TMPRSS9: variants seen among roughly 807,000 people sequenced by gnomAD.
The protein encoded by TMPRSS9 is transmembrane protease serine 9.
A neutral mutation model predicts 111.4 loss-of-function variants in TMPRSS9; 113 were observed. That is an observed-to-expected ratio of 1.01 (90% confidence interval 0.87 to 1.19). The LOEUF (loss-of-function observed/expected upper bound fraction) is 1.19, where lower values mean the gene tolerates loss of function less well. TMPRSS9 is among the 50% of genes most tolerant of loss of function. TMPRSS9 has a pLI of 0.00. For missense variants in TMPRSS9, 1,803 were observed against 1,513.1 expected (o/e 1.19, Z -3.18); for synonymous variants, 805 against 659.1 (o/e 1.22, Z -3.39).
exon 12 of TMPRSS9, chr19:2,416,601 C>G (rs752764236): frequency 6.2e-7 from 1 of 1,612,446 alleles, no homozygotes; most frequent in Non-Finnish European, 8.5e-7. Flanking sequence ...TGGGCGGGAG[C>G]CCGGTGAAGA....
chr19:2,363,508 T>TG (rs1269359793), intron 1 of TMPRSS9, among the ~76,000 whole-genome samples: 6 of 67,900 alleles, frequency 8.8e-5, no homozygotes, highest in South Asian at 5.3e-4. Flanking sequence ...GGAGCAGTTG[T>TG]GGGGGGGTGG....
At chr19:2,378,107 T>C (rs112620940) in intron 1 of TMPRSS9, among the ~76,000 whole-genome samples, 4,301 of 152,202 alleles carry the variant, frequency 0.028, 86 homozygotes, top group Non-Finnish European at 0.043. Flanking sequence ...CTCAAACTCC[T>C]GGCCTCAAGC....
rs1189723984 is a variant in TMPRSS9, at chr19:2,398,685, C to G, written c.271-110C>G. 5.3e-6 allele frequency: 3 copies of G among 568,118 alleles called. No individual in the cohort carries two copies. In the African/African-American group the frequency reaches 5.9e-5, roughly 11 times the overall value. 35.2% of individuals were successfully genotyped at this position (568,118 alleles called of 1,614,324 possible). ...TAAAATAATAAAAGGAAATGCTTTC[C>G]CATGGAACCAACCCCTTCTCCAGCT... On this transcript the variant is annotated intron_variant, in intron 2 of 17. Coordinates refer to ENST00000648592, the Ensembl canonical transcript of TMPRSS9.
chr19:2,417,629 C>T (rs758526489), intron 12 of TMPRSS9, among the ~76,000 whole-genome samples: 2 of 152,148 alleles, frequency 1.3e-5, no homozygotes, highest in Non-Finnish European at 2.9e-5. Context: ...GCCTGGGCAA[C>T]AGAGCAAGAC....
At chr19:2,425,122 C>T in exon 16 of TMPRSS9, 3 of 1,582,520 alleles carry the variant, frequency 1.9e-6, no homozygotes, top group South Asian at 1.1e-5. Context: ...TCTACACGCT[C>T]GACTACGACG....
At chr19:2,426,126 A>G (rs756847597) in exon 18 of TMPRSS9, 18 of 1,513,986 alleles carry the variant, frequency 1.2e-5, no homozygotes, top group Non-Finnish European at 1.4e-5. Flanking sequence ...TCTACGTGAA[A>G]GCAACAGGAG....
chr19:2,375,074 C>T (rs1419520265), intron 1 of TMPRSS9, among the ~76,000 whole-genome samples: 1 of 152,144 alleles, frequency 6.6e-6, no homozygotes, highest in African/African-American at 2.4e-5. Flanking sequence ...CAACTCTATC[C>T]CCTTTTGGTC....
At position 2,425,577 on chromosome 19, in the gene TMPRSS9, C is replaced by T. The variant is rs530478390; in HGVS notation, c.3120+84C>T. ...TCCCGCTGCCACGAAGCCCACCATC[C>T]GGGAGCCACCCTCCGGTGCAGGCTT... On this transcript the variant is annotated intron_variant, in intron 17 of 17. Coordinates refer to ENST00000648592, the Ensembl canonical transcript of TMPRSS9. The T allele has an allele frequency of 3.8e-4, 528 of 1,402,326 alleles. 3 individuals carry two copies. The African/African-American group carries it at 7.3e-3, about 19-fold the overall frequency. The allele number at this position is 1,402,326 out of a possible 1,614,324, so 86.9% of individuals were successfully genotyped here. A position where few individuals can be genotyped will look rare whatever the true frequency, so the allele number is the denominator to read the frequency against.
At chr19:2,396,001 C>G (rs920479930) in intron 1 of TMPRSS9, among the ~76,000 whole-genome samples, 2 of 152,224 alleles carry the variant, frequency 1.3e-5, no homozygotes, top group African/African-American at 4.8e-5. Flanking sequence ...GAGCGAGACT[C>G]TGTCTCAAAC....
At position 2,390,464 on chromosome 19, in the gene TMPRSS9, CGA is replaced by C. The variant is rs1452788286; in HGVS notation, c.142+538_142+539del. Among the ~76,000 whole-genome samples the C allele has an allele frequency of 1.8e-4, 27 of 148,866 alleles. No individual in the cohort carries two copies. The South Asian group carries it at 3.3e-3, about 18-fold the overall frequency. ...TTCACCGTGTTAGCCAGGATGGTCT[CGA>C]TCTCCTGACCTCATGATCCGCCCGC... On this transcript the variant is annotated intron_variant, in intron 1 of 17. Coordinates refer to ENST00000648592, the Ensembl canonical transcript of TMPRSS9.
chr19:2,364,649 C>T (rs1970233936), intron 1 of TMPRSS9, among the ~76,000 whole-genome samples: 1 of 152,086 alleles, frequency 6.6e-6, no homozygotes, highest in African/African-American at 2.4e-5. Context: ...ACCCACCTTC[C>T]ACCCAGTGTC....
At chr19:2,408,370 C>A (rs144060578) in exon 8 of TMPRSS9, 498 of 1,613,398 alleles carry the variant, frequency 3.1e-4, no homozygotes, top group Non-Finnish European at 9.5e-5. Context: ...CAAGACCCGA[C>A]GAAGTGGGTG....
chr19:2,405,334 G>A, intron 6 of TMPRSS9, 40 bp from the exon 8 acceptor site: 2 of 1,549,306 alleles, frequency 1.3e-6, no homozygotes, highest in South Asian at 2.4e-5. Flanking sequence ...GTGAGGTCCT[G>A]CCTTCGTGGG....
At chr19:2,405,285 AG>A in intron 6 of TMPRSS9, 88 bp from the exon 8 acceptor site, 1 of 1,466,774 alleles carries the variant, frequency 6.8e-7, no homozygotes, top group Admixed American at 2.6e-5. Flanking sequence ...TAGGGACTGT[AG>A]ACGAGAGACT....
intron 4 of TMPRSS9, among the ~76,000 whole-genome samples, chr19:2,401,478 G>A (rs1970846211): frequency 6.6e-6 from 1 of 152,184 alleles, no homozygotes; most frequent in South Asian, 2.1e-4. Flanking sequence ...GGGCAAGTGA[G>A]ACTGAGGATC....
chr19:2,424,109 G>A (rs1004759581), exon 15 of TMPRSS9: 7 of 1,330,796 alleles, frequency 5.3e-6, no homozygotes, highest in Admixed American at 3.7e-5. Flanking sequence ...GGCGCCGGCC[G>A]CGCTCACCAG....
chr19:2,408,232 A>G, intron 7 of TMPRSS9, 124 bp from the exon 9 acceptor site: 1 of 944,798 alleles, frequency 1.1e-6, no homozygotes, highest in Non-Finnish European at 1.6e-6. Context: ...TTTTATAAAT[A>G]CTATTCATAA....
chr19:2,396,412 C>T (rs1004521045), intron 1 of TMPRSS9, 127 bp from the exon 3 acceptor site: 50 of 1,177,462 alleles, frequency 4.2e-5, no homozygotes, highest in Admixed American at 1.5e-4. Context: ...CGTCGACCAC[C>T]CCACTGCGTG....
chr19:2,395,501 C>T (rs1031011530), intron 1 of TMPRSS9, among the ~76,000 whole-genome samples: 4 of 151,426 alleles, frequency 2.6e-5, no homozygotes, highest in South Asian at 2.1e-4. Context: ...CCAAGGCTGG[C>T]GGATCATCTG....
Sources: allele counts gnomAD v4.1 joint callset (sites outside exome capture counted in the v4.1 genomes callset), GRCh38; gene constraint gnomAD v4.1.1; transcripts MANE v1.5; gene names NCBI Gene and HGNC (gene_info 2026-07-23, HGNC 2026-07-21).